DGKD: variants seen among roughly 807,000 people sequenced by gnomAD.
DGKD encodes the protein diacylglycerol kinase delta, also known as DAG kinase delta.
A neutral mutation model predicts 154.4 loss-of-function variants in DGKD; 68 were observed. That is an observed-to-expected ratio of 0.44 (90% CI 0.36 to 0.54). The LOEUF (loss-of-function observed/expected upper bound fraction) is 0.54, where lower values mean the gene tolerates loss of function less well. Ranked by LOEUF, DGKD falls within the 20% of genes least tolerant of loss-of-function variation. The pLI is 0.00. For missense variants in DGKD, 1,343 were observed against 1,593.6 expected, an observed-to-expected ratio of 0.84 and a Z score of 2.68; for synonymous variants, 693 against 638.0, an observed-to-expected ratio of 1.09 and a Z score of -1.30.
In DGKD at chr2:233,457,310, G is replaced by A; in HGVS notation, c.2562G>A (p.Gly854=). The A allele has an allele frequency of 6.5e-7, 1 of 1,536,676 alleles. No homozygotes were observed. The highest frequency in any genetic ancestry group is 1.4e-5 in the African/African-American group (1 of 72,808). Residue 854 remains glycine, a synonymous_variant, in exon 21 of 30, where the codon GGG becomes GGA. Transcript: ENST00000264057. The surrounding 1 kb of genome is among the most constrained non-coding windows in gnomAD (Gnocchi z 5.5). ...ATGCCGGAGGAACCAACTTCTGGGG[G>A]GGTACCAAGGAAGATGATGTATGTA... The part of the protein sequence containing the change: ...PSYAGGTNFW[G]GTKEDDTFAA...
intron 7 of DGKD, 93 bp from the exon 8 acceptor site, chr2:233,437,284 C>A: frequency 2.5e-6 from 3 of 1,203,480 alleles, no homozygotes; most frequent in Non-Finnish European, 3.6e-6. Context: ...CCTGCCTCCC[C>A]CGAGGCCAGC....
At chr2:233,377,733 C>G (rs1478420682) in intron 1 of DGKD, among the ~76,000 whole-genome samples, 1 of 152,090 alleles carries the variant, frequency 6.6e-6, no homozygotes, top group Non-Finnish European at 1.5e-5. Context: ...TCTTCAGGGC[C>G]ATCCCGTTTT....
At chr2:233,397,694 T>G (rs542922133) in intron 3 of DGKD, among the ~76,000 whole-genome samples, 3 of 152,218 alleles carry the variant, frequency 2.0e-5, no homozygotes, top group African/African-American at 7.2e-5. Flanking sequence ...ATTCTCAGAT[T>G]TGCAGGTGTC....
chr2:233,369,914 G>A (rs571776628), intron 1 of DGKD, among the ~76,000 whole-genome samples: 1 of 152,244 alleles, frequency 6.6e-6, no homozygotes, highest in South Asian at 2.1e-4. Flanking sequence ...CTGCAGGAAG[G>A]GCTGGACTCT....
intron 1 of DGKD, among the ~76,000 whole-genome samples, chr2:233,387,166 G>A (rs1039008814): frequency 2.6e-5 from 4 of 152,232 alleles, no homozygotes; most frequent in Non-Finnish European, 5.9e-5. Context: ...TTTTATCTTA[G>A]GGAGTTTTAA....
Position 233,354,565 on chromosome 2 carries a change from C to T in DGKD, c.47C>T (p.Pro16Leu). The change falls in exon 1 of 30, where the codon CCT becomes CTT. Residue 16 changes from proline to leucine, a missense_variant. Around this residue, in one of 6 missense-constraint regions of DGKD, gnomAD observed 57 missense variants for 27.8 expected, o/e 2.05. Transcript: ENST00000264057. This position sits in a 1 kb window ranked among gnomAD's most constrained non-coding sequence, Gnocchi z 4.8. ...CCTCCGCCGGGTCCCCCGCAACCGCCTCCGCCGCCGCCGCCCGAGGAGTCG... is the reference window on the plus strand; with the variant it reads ...CCTCCGCCGGGTCCCCCGCAACCGCTTCCGCCGCCGCCGCCCGAGGAGTCG... ...GAPPPGPPQP[P>L]PPPPPEESSD... 12 of 1,064,654 alleles carry T rather than the reference C, an allele frequency of 1.1e-5. No individual in the cohort carries two copies. The highest frequency in any genetic ancestry group is 1.3e-5 in the Non-Finnish European group (11 of 872,634). 66.0% of individuals were successfully genotyped at this position (1,064,654 alleles called of 1,614,324 possible).
chr2:233,416,010 C>G lies in DGKD; in HGVS notation c.349-18370C>G, dbSNP rs74923956. On this transcript the variant is annotated intron_variant, in intron 3 of 29. Transcript: ENST00000264057. ...AGAGGGAAAAGAAAAAAAAGAATCTCTCAGTCCTACCACTTGATGTGTGAA... is the reference window on the plus strand; with the variant it reads ...AGAGGGAAAAGAAAAAAAAGAATCTGTCAGTCCTACCACTTGATGTGTGAA... Among the ~76,000 whole-genome samples the G allele has an allele frequency of 5.5e-3, 838 of 152,328 alleles. 9 individuals are homozygous for G. The highest frequency in any genetic ancestry group is 0.019 in the African/African-American group (773 of 41,570).
intron 3 of DGKD, among the ~76,000 whole-genome samples, chr2:233,415,640 T>C (rs1374618136): frequency 1.3e-5 from 2 of 152,196 alleles, no homozygotes; most frequent in Non-Finnish European, 2.9e-5. Context: ...ATTAATTAAT[T>C]AGAGATGAGG....
chr2:233,434,684 A>G, intron 4 of DGKD, 85 bp from the exon 5 acceptor site: 1 of 1,562,332 alleles, frequency 6.4e-7, no homozygotes. Context: ...TCTCTTGGAT[A>G]CTTTGTTTAA....
chr2:233,410,983 A>G (rs2061814175), intron 3 of DGKD, among the ~76,000 whole-genome samples: 1 of 150,146 alleles, frequency 6.7e-6, no homozygotes, highest in Non-Finnish European at 1.5e-5. Context: ...AGCATGTACT[A>G]CTTTTTTTTT....
chr2:233,462,312 G>A (rs1337661927), intron 24 of DGKD, 36 bp from the exon 25 acceptor site: 1 of 1,540,946 alleles, frequency 6.5e-7, no homozygotes, highest in Non-Finnish European at 8.9e-7. Context: ...CCTTCCATTT[G>A]GCCTGACATC....
intron 19 of DGKD, among the ~76,000 whole-genome samples, chr2:233,456,117 C>G (rs1468026025): frequency 2.0e-5 from 3 of 152,348 alleles, no homozygotes; most frequent in South Asian, 2.1e-4. Context: ...TTGAAAAGTT[C>G]TCCTGAGAAA....
At position 233,437,972 on chromosome 2, in the gene DGKD, A is replaced by G. The variant is rs138186215; in HGVS notation, c.923-245A>G. Among the ~76,000 whole-genome samples, 158 of 152,322 alleles carry G rather than the reference A, an allele frequency of 1.0e-3. 1 individual carries two copies. The highest frequency in any genetic ancestry group is 1.6e-3 in the Non-Finnish European group (108 of 68,022). ...GTACATGGCTCAGAGGAGATCAAGA[A>G]GAGAAGACAGCAGAAAGGTGGCATT... is the stretch of plus-strand genomic sequence containing the variant. On this transcript the variant is annotated intron_variant, in intron 8 of 29. Transcript: ENST00000264057.
intron 3 of DGKD, among the ~76,000 whole-genome samples, chr2:233,401,970 G>GGGCCCC (rs2061571139): frequency 6.7e-6 from 1 of 149,334 alleles, no homozygotes; most frequent in Non-Finnish European, 1.5e-5. Context: ...AACCATCGAG[G>GGGCCCC]GGCCCCTCGT....
At chr2:233,374,540 GC>G (rs1702474719) in intron 1 of DGKD, among the ~76,000 whole-genome samples, 1 of 152,106 alleles carries the variant, frequency 6.6e-6, no homozygotes, top group African/African-American at 2.4e-5. Context: ...TCACCGTGTT[GC>G]CCAGGCTGGT....
rs111913941 is a variant in DGKD at position 233,447,004 on chromosome 2, A to G, written c.1419+208A>G. Among the ~76,000 whole-genome samples, 1,450 of 152,204 alleles carry G rather than the reference A, an allele frequency of 9.5e-3. 30 individuals are homozygous for G. Among genetic ancestry groups the G allele is most frequent in the African/African-American group, 0.033 (1,351 of 41,532 alleles). On this transcript the variant is annotated intron_variant, in intron 12 of 29. Coordinates refer to ENST00000264057, the MANE Select transcript of DGKD (RefSeq NM_152879.3). ...GGCCTTTTGGGCTTTGTGACCCTCTAGGGGCTTCCTGGGGTTGTCATAGGC... is the reference window on the plus strand; with the variant it reads ...GGCCTTTTGGGCTTTGTGACCCTCTGGGGGCTTCCTGGGGTTGTCATAGGC...
chr2:233,385,724 T>C (rs1303574896), intron 1 of DGKD, among the ~76,000 whole-genome samples: 5 of 152,224 alleles, frequency 3.3e-5, no homozygotes, highest in African/African-American at 9.6e-5. Flanking sequence ...GGTGTTATTT[T>C]CTTGACCACT....
rs376834419 is a variant in DGKD at position 233,467,071 on chromosome 2, C to T, written c.3307-15C>T. The T allele has an allele frequency of 1.5e-5, 24 of 1,599,410 alleles. No individual in the cohort carries two copies. The South Asian group carries it at 1.9e-4, about 12-fold the overall frequency. The stretch of plus-strand genomic sequence containing the variant: ...TTGCAGCCTGATTCTCAGTATTCCT[C>T]ATTCTCCCCAACAGAGTGTGATGCT... On this transcript the variant is annotated splice_polypyrimidine_tract_variant and intron_variant, in intron 27 of 29. Coordinates refer to ENST00000264057, the MANE Select transcript of DGKD (RefSeq NM_152879.3).
chr2:233,366,163 G>T (rs1291616318), intron 1 of DGKD, among the ~76,000 whole-genome samples: 1 of 152,184 alleles, frequency 6.6e-6, no homozygotes, highest in East Asian at 1.9e-4. Context: ...AGGGTTGGAG[G>T]CTGTGTTAGG....
Sources: allele counts gnomAD v4.1 joint callset (sites outside exome capture counted in the v4.1 genomes callset), GRCh38; gene constraint gnomAD v4.1.1; regional missense constraint gnomAD v4.1.1; non-coding constraint Gnocchi (gnomAD v3.1); transcripts MANE v1.5; gene names NCBI Gene and HGNC (gene_info 2026-07-23, HGNC 2026-07-21).